Variants in TAFA4 observed in about 807,000 individuals in gnomAD.
The protein encoded by TAFA4 is chemokine-like protein TAFA-4.
A neutral mutation model predicts 21.1 loss-of-function variants in TAFA4; 20 were observed. The ratio of observed to expected loss-of-function variants is 0.95; its 90% CI spans 0.67 to 1.38. The LOEUF is 1.38. Among genes scored for constraint, TAFA4 ranks in the 40% most tolerant of loss-of-function variants. TAFA4 has a pLI of 0.00. For synonymous variants in TAFA4, 71 were observed against 67.4 expected (o/e 1.05, Z -0.26); for missense variants, 211 against 180.9 (o/e 1.17, Z -0.95).
intron 3 of TAFA4, among the ~76,000 whole-genome samples, chr3:68,758,326 C>T (rs116548769): frequency 0.043 from 6,509 of 152,226 alleles, 280 homozygotes; most frequent in South Asian, 0.06. Flanking sequence ...CATCTTGAAT[C>T]GAAGCTCCCA....
At chr3:68,896,825 A>C (rs1409974067) in intron 1 of TAFA4, among the ~76,000 whole-genome samples, 1 of 152,202 alleles carries the variant, frequency 6.6e-6, no homozygotes, top group Non-Finnish European at 1.5e-5. Flanking sequence ...AAACTACCGA[A>C]CTAACTATAA....
At chr3:68,788,419 G>A (rs559316134) in intron 3 of TAFA4, among the ~76,000 whole-genome samples, 1 of 152,272 alleles carries the variant, frequency 6.6e-6, no homozygotes, top group East Asian at 1.9e-4. Flanking sequence ...GGTCATTTCT[G>A]ACTATGCTAT....
chr3:68,741,122 ATTTGGGGTC>A (rs1157947985), intron 4 of TAFA4, among the ~76,000 whole-genome samples: 1 of 152,060 alleles, frequency 6.6e-6, no homozygotes, highest in African/African-American at 2.4e-5. Flanking sequence ...TGCTTTAGCT[ATTTGGGGTC>A]TTTTGTGGTT....
At chr3:68,839,101 G>C (rs571155432) in intron 3 of TAFA4, among the ~76,000 whole-genome samples, 1 of 152,094 alleles carries the variant, frequency 6.6e-6, no homozygotes, top group African/African-American at 2.4e-5. Flanking sequence ...TTGTCTCAAA[G>C]AAAAACAACA....
intron 3 of TAFA4, among the ~76,000 whole-genome samples, chr3:68,835,772 G>A (rs6792937): frequency 0.31 from 47,041 of 152,064 alleles, 7,667 homozygotes; most frequent in Non-Finnish European, 0.37. Context: ...CCTCAAATGA[G>A]TCTTTGTGTA....
chr3:68,796,470 A>G (rs1703455823), intron 3 of TAFA4, among the ~76,000 whole-genome samples: 1 of 152,134 alleles, frequency 6.6e-6, no homozygotes, highest in Non-Finnish European at 1.5e-5. Context: ...GCTACTCACT[A>G]TTTTTAAAAT....
At chr3:68,802,786 T>A (rs1047554866) in intron 3 of TAFA4, among the ~76,000 whole-genome samples, 3 of 152,204 alleles carry the variant, frequency 2.0e-5, no homozygotes, top group African/African-American at 7.2e-5. Flanking sequence ...ATCCGAGAAA[T>A]CACCTTAGCT....
intron 3 of TAFA4, among the ~76,000 whole-genome samples, chr3:68,770,804 G>A (rs991210041): frequency 3.9e-5 from 6 of 152,196 alleles, no homozygotes; most frequent in African/African-American, 1.4e-4. Context: ...TGGGGTCCCG[G>A]CGAGGGCTCC....
chr3:68,818,763 T>C (rs183891024), intron 3 of TAFA4, among the ~76,000 whole-genome samples: 1 of 152,298 alleles, frequency 6.6e-6, no homozygotes, highest in Non-Finnish European at 1.5e-5. Context: ...CTGGGCACAG[T>C]GCATGGTGTA....
chr3:68,877,522 C>T (rs2089564655), intron 3 of TAFA4, among the ~76,000 whole-genome samples: 1 of 152,134 alleles, frequency 6.6e-6, no homozygotes, highest in South Asian at 2.1e-4. Flanking sequence ...CTAACTACTT[C>T]CCAATCAGTG....
intron 3 of TAFA4, among the ~76,000 whole-genome samples, chr3:68,844,854 C>G (rs1370492905): frequency 6.6e-6 from 1 of 152,154 alleles, no homozygotes; most frequent in Admixed American, 6.5e-5. Flanking sequence ...ATCCTGAGTT[C>G]TAATTTGATT....
At chr3:68,752,274 T>C (rs1702569235) in intron 4 of TAFA4, among the ~76,000 whole-genome samples, 1 of 152,150 alleles carries the variant, frequency 6.6e-6, no homozygotes, top group South Asian at 2.1e-4. Flanking sequence ...GCCAGGGGTA[T>C]CAAAAGAAAT....
At chr3:68,931,187 T>G (rs146577788) in intron 1 of TAFA4, among the ~76,000 whole-genome samples, 1 of 152,118 alleles carries the variant, frequency 6.6e-6, no homozygotes, top group East Asian at 1.9e-4. Context: ...GCCTGTCACA[T>G]CACATCAACC....
chr3:68,803,421 GATTT>G (rs1470674453), intron 3 of TAFA4, among the ~76,000 whole-genome samples: 3 of 152,112 alleles, frequency 2.0e-5, no homozygotes, highest in Non-Finnish European at 4.4e-5. Flanking sequence ...GGGCAAGGCT[GATTT>G]ATTCCCAGTT....
At chr3:68,891,726 G>C (rs1365251402) in intron 1 of TAFA4, among the ~76,000 whole-genome samples, 1 of 152,198 alleles carries the variant, frequency 6.6e-6, no homozygotes, top group Non-Finnish European at 1.5e-5. Flanking sequence ...GAGTGGAAGG[G>C]TAGGGATGGG....
chr3:68,889,762 T>C (rs555332652), intron 1 of TAFA4, among the ~76,000 whole-genome samples: 49 of 152,300 alleles, frequency 3.2e-4, no homozygotes, highest in Middle Eastern at 3.4e-3. Flanking sequence ...TCCTAAATAG[T>C]ATCAAGGTCA....
chr3:68,905,939 C>T (rs1383308898), intron 1 of TAFA4, among the ~76,000 whole-genome samples: 2 of 152,174 alleles, frequency 1.3e-5, no homozygotes, highest in African/African-American at 4.8e-5. Context: ...GATCACTGAA[C>T]GTGAAGTTTC....
At chr3:68,863,676 T>G (rs2089380573) in intron 3 of TAFA4, among the ~76,000 whole-genome samples, 1 of 152,186 alleles carries the variant, frequency 6.6e-6, no homozygotes, top group South Asian at 2.1e-4. Flanking sequence ...GTTGATATTC[T>G]TATTATTCAG....
chr3:68,857,910 A>T (rs1328110657), intron 3 of TAFA4, among the ~76,000 whole-genome samples: 3 of 152,180 alleles, frequency 2.0e-5, no homozygotes, highest in Non-Finnish European at 4.4e-5. Context: ...ATTCTAGTTC[A>T]GAGAGGTTGT....
Sources: gnomAD v4.1 joint callset for allele counts (sites outside exome capture counted in the v4.1 genomes callset) on GRCh38, gnomAD v4.1.1 for gene constraint, MANE v1.5 for transcripts, NCBI Gene and HGNC (gene_info 2026-07-23, HGNC 2026-07-21) for gene names.